Variants in SMARCA2 observed in about 807,000 individuals in gnomAD.
The protein encoded by SMARCA2 is SWI/SNF-related matrix-associated actin-dependent regulator of chromatin subfamily A member 2.
SMARCA2 carries 61 observed loss-of-function variants against 199.8 expected under a neutral mutation model. The ratio of observed to expected loss-of-function variants is 0.31; its 90% CI spans 0.25 to 0.38. The LOEUF is 0.38. Ranked by LOEUF, SMARCA2 falls within the 10% of genes least tolerant of loss-of-function variation. SMARCA2 has a pLI of 1.00. For missense variants in SMARCA2, 1,344 were observed against 2,012.2 expected (o/e 0.67, Z 6.35); for synonymous variants, 935 against 732.0 (o/e 1.28, Z -4.48).
rs1308828971 is a variant in SMARCA2 at position 2,047,490 on chromosome 9, G to A, written c.1046+6G>A. 2.1e-6 allele frequency: 3 copies of A among 1,429,960 alleles called. No individual in the cohort carries two copies. The highest frequency in any genetic ancestry group is 1.8e-6 in the Non-Finnish European group (2 of 1,081,966). The allele number at this position is 1,429,960 out of a possible 1,614,324, so 88.6% of individuals were successfully genotyped here. A position where few individuals can be genotyped will look rare whatever the true frequency, so the allele number is the denominator to read the frequency against. ...CTGCAAGAGCGGGAATACAGGTAAC[G>A]CACCCCGCCAGCAAGGGGCCCCCTG... On this transcript the variant is annotated splice_donor_region_variant and intron_variant, in intron 5 of 33. Coordinates refer to ENST00000349721, the MANE Select transcript of SMARCA2 (RefSeq NM_003070.5).
intron 22 of SMARCA2, among the ~76,000 whole-genome samples, chr9:2,102,857 A>T (rs1056202176): frequency 6.6e-6 from 1 of 152,068 alleles, no homozygotes; most frequent in South Asian, 2.1e-4. Flanking sequence ...AACGTTCAGT[A>T]TAGCTCATAG....
At chr9:2,060,737 C>T in intron 8 of SMARCA2, 79 bp from the exon 9 acceptor site, 1 of 1,373,726 alleles carries the variant, frequency 7.3e-7, no homozygotes, top group Non-Finnish European at 1.0e-6. Context: ...TGCAGACTGT[C>T]AAGGGGAGGA....
At chr9:2,033,356 G>T (rs1235946114) in intron 3 of SMARCA2, among the ~76,000 whole-genome samples, 1 of 152,138 alleles carries the variant, frequency 6.6e-6, no homozygotes, top group East Asian at 1.9e-4. Context: ...AATCTTTATC[G>T]TGATCTTTTA....
At chr9:2,143,305 A>C (rs1024924342) in intron 27 of SMARCA2, among the ~76,000 whole-genome samples, 1 of 152,162 alleles carries the variant, frequency 6.6e-6, no homozygotes, top group African/African-American at 2.4e-5. Flanking sequence ...AGATGTGGGG[A>C]GGAAAAATGA....
In SMARCA2 at chr9:2,192,682, ATCT is replaced by A. The variant is rs1473520999; in HGVS notation, c.4738-17_4738-15del. The A allele has an allele frequency of 3.2e-6, 5 of 1,560,826 alleles. No homozygotes were observed. The highest frequency in any genetic ancestry group is 2.2e-5 in the East Asian group (1 of 44,642). On this transcript the variant is annotated intron_variant, in intron 33 of 33. Transcript: ENST00000349721. ...CTTGCATGTGATGTTACTTCATTTT[ATCT>A]TCTTATTTTTACTTTTAGGAACAGT...
At chr9:2,125,353 A>G (rs1823641784) in intron 27 of SMARCA2, among the ~76,000 whole-genome samples, 1 of 152,196 alleles carries the variant, frequency 6.6e-6, no homozygotes, top group Non-Finnish European at 1.5e-5. Context: ...TAGTTATGTA[A>G]TTAGGATTCA....
intron 29 of SMARCA2, among the ~76,000 whole-genome samples, chr9:2,173,780 C>T (rs1826387626): frequency 6.6e-6 from 1 of 152,166 alleles, no homozygotes; most frequent in African/African-American, 2.4e-5. Flanking sequence ...CTGCTTAACC[C>T]AGCATCTCCC....
chr9:2,142,517 A>G (rs1824513682), intron 27 of SMARCA2, among the ~76,000 whole-genome samples: 1 of 152,178 alleles, frequency 6.6e-6, no homozygotes, highest in Non-Finnish European at 1.5e-5. Context: ...TAACTTCAGC[A>G]AGGGTGATTC....
chr9:2,041,985 T>G (rs1819626068), intron 4 of SMARCA2: 1 of 152,170 alleles, frequency 6.6e-6, no homozygotes, highest in Non-Finnish European at 1.5e-5. Context: ...GGAATTTGAC[T>G]TAAGATCTCA....
chr9:2,039,776 ACAGCAG>A lies in SMARCA2; in HGVS notation c.702_707del (p.Gln237_Gln238del), dbSNP rs113070757. 979 of 1,575,304 alleles carry A rather than the reference ACAGCAG, an allele frequency of 6.2e-4. No homozygotes were observed. The East Asian group carries it at 6.6e-3, about 11-fold the overall frequency. On this transcript the variant is annotated inframe_deletion, in exon 4 of 34. Transcript: ENST00000349721. The surrounding 1 kb of genome is among the most constrained non-coding windows in gnomAD (Gnocchi z 4.8). ...GCTTGCAGCAACAACAGCAGCAGCA[ACAGCAG>A]CAGCAGCAGCAGCAGCAGCAGCAGC...
At chr9:2,091,302 C>T (rs115785938) in intron 19 of SMARCA2, among the ~76,000 whole-genome samples, 2,479 of 152,290 alleles carry the variant, frequency 0.016, 62 homozygotes, top group African/African-American at 0.057. Flanking sequence ...TGCAGCCACT[C>T]ATCCGTTCTC....
At chr9:2,084,649 C>G (rs1821721236) in intron 17 of SMARCA2, among the ~76,000 whole-genome samples, 1 of 152,078 alleles carries the variant, frequency 6.6e-6, no homozygotes, top group African/African-American at 2.4e-5. Context: ...CATATGGTCT[C>G]CACCATATGA....
At chr9:2,120,290 A>G (rs1823400277) in intron 26 of SMARCA2, among the ~76,000 whole-genome samples, 1 of 152,212 alleles carries the variant, frequency 6.6e-6, no homozygotes, top group Non-Finnish European at 1.5e-5. Context: ...TTTGAGTGCC[A>G]TCAGATCTTA....
In SMARCA2 at chr9:2,161,785, G is replaced by A. The variant is rs757704280; in HGVS notation, c.4081G>A (p.Val1361Met). The change falls in exon 28 of 34, where the codon GTG becomes ATG. Residue 1361 changes from valine to methionine, a missense_variant. By Grantham distance (21) the Val-to-Met change is conservative. Around this residue, in one of 18 missense-constraint regions of SMARCA2, gnomAD observed 151 missense variants for 154.0 expected, o/e 0.98. Transcript: ENST00000349721. The surrounding 1 kb of genome is among the most constrained non-coding windows in gnomAD (Gnocchi z 4.7). ...GGATAAAGATCCTGCAAAAGAAGAT[G>A]TGGAAAAAGCTAAGAAGAGAAGAGG... is the stretch of plus-strand genomic sequence containing the variant. ...NVDKDPAKED[V>M]EKAKKRRGRP... 1.1e-5 allele frequency: 18 copies of A among 1,614,050 alleles called. No homozygotes were observed. In the Admixed American group the frequency reaches 2.0e-4, roughly 18 times the overall value.
intron 27 of SMARCA2, among the ~76,000 whole-genome samples, chr9:2,128,185 T>C (rs748277851): frequency 8.5e-5 from 13 of 152,300 alleles, no homozygotes; most frequent in Admixed American, 5.9e-4. Context: ...AAGCACGGCA[T>C]TGGGGGCGAG....
intron 5 of SMARCA2, among the ~76,000 whole-genome samples, chr9:2,049,753 T>G (rs537928559): frequency 1.5e-4 from 23 of 152,344 alleles, no homozygotes; most frequent in Middle Eastern, 3.4e-3. Context: ...AATTTATCCC[T>G]TAAAAGGGTT....
At chr9:2,130,199 G>T (rs1453720567) in intron 27 of SMARCA2, among the ~76,000 whole-genome samples, 2 of 152,166 alleles carry the variant, frequency 1.3e-5, no homozygotes, top group African/African-American at 4.8e-5. Flanking sequence ...ATTCAATCCT[G>T]ACCTTACTTC....
chr9:2,121,699 T>C (rs1237158881), intron 26 of SMARCA2, among the ~76,000 whole-genome samples: 1 of 152,240 alleles, frequency 6.6e-6, no homozygotes, highest in Non-Finnish European at 1.5e-5. Context: ...GATAAGCAGA[T>C]AGTTTATTTA....
intron 15 of SMARCA2, among the ~76,000 whole-genome samples, chr9:2,082,431 C>G (rs931511909): frequency 1.3e-5 from 2 of 151,286 alleles, no homozygotes; most frequent in African/African-American, 2.4e-5. Context: ...GAACATAAAT[C>G]AAAATCATAA....
Sources: gnomAD v4.1 joint callset for allele counts (sites outside exome capture counted in the v4.1 genomes callset) on GRCh38, gnomAD v4.1.1 for gene constraint, gnomAD v4.1.1 regional missense constraint, Gnocchi (gnomAD v3.1) non-coding constraint, MANE v1.5 for transcripts, NCBI Gene and HGNC (gene_info 2026-07-23, HGNC 2026-07-21) for gene names.